LINGO2: variants seen among roughly 807,000 people sequenced by gnomAD.
The protein encoded by LINGO2 is leucine-rich repeat and immunoglobulin-like domain-containing nogo receptor-interacting protein 2.
A neutral mutation model predicts 30.6 loss-of-function variants in LINGO2; 14 were observed. The ratio of observed to expected loss-of-function variants is 0.46; its 90% CI spans 0.30 to 0.72. The LOEUF is 0.72. Ranked by LOEUF, LINGO2 falls within the 30% of genes least tolerant of loss-of-function variation. The pLI, the probability that LINGO2 is intolerant of heterozygous loss-of-function variation, is 0.07. For synonymous variants in LINGO2, 317 were observed against 288.5 expected (o/e 1.10, Z -1.00); for missense variants, 729 against 751.7 (o/e 0.97, Z 0.35).
At chr9:28,210,222 C>T (rs1481856856) in intron 4 of LINGO2, among the ~76,000 whole-genome samples, 1 of 151,640 alleles carries the variant, frequency 6.6e-6, no homozygotes, top group Non-Finnish European at 1.5e-5. Context: ...CAATAACTTA[C>T]AGCATTGATT....
chr9:27,999,953 T>C (rs1007692529), intron 5 of LINGO2, among the ~76,000 whole-genome samples: 1 of 152,160 alleles, frequency 6.6e-6, no homozygotes, highest in African/African-American at 2.4e-5. Context: ...GACTCAATAT[T>C]AGCTCCACTA....
At chr9:29,200,914 AT>A in the LINGO2 span, among the ~76,000 whole-genome samples, 2 of 151,624 alleles carry the variant, frequency 1.3e-5, no homozygotes, top group Admixed American at 6.6e-5. Context: ...GGATTTGCCT[AT>A]TTTTTTTCAT....
the LINGO2 span, among the ~76,000 whole-genome samples, chr9:28,796,491 T>G: frequency 2.0e-5 from 3 of 152,124 alleles, no homozygotes; most frequent in African/African-American, 7.2e-5. Context: ...TATAAATGAG[T>G]GCTTAATGAA....
the LINGO2 span, among the ~76,000 whole-genome samples, chr9:28,884,506 A>G: frequency 6.6e-6 from 1 of 152,082 alleles, no homozygotes; most frequent in Non-Finnish European, 1.5e-5. Context: ...TAATTATCTA[A>G]AAAGAGCAAA....
chr9:28,073,964 C>G (rs1825553088), intron 4 of LINGO2, among the ~76,000 whole-genome samples: 2 of 152,158 alleles, frequency 1.3e-5, no homozygotes, highest in African/African-American at 4.8e-5. Context: ...AGTATTCATT[C>G]TTAAGTTTTC....
At chr9:28,523,853 A>T (rs967070571) in intron 1 of LINGO2, among the ~76,000 whole-genome samples, 2 of 151,972 alleles carry the variant, frequency 1.3e-5, no homozygotes, top group African/African-American at 2.4e-5. Flanking sequence ...GTACGAATTG[A>T]TCAACAGATG....
the LINGO2 span, among the ~76,000 whole-genome samples, chr9:29,006,080 T>C: frequency 5.3e-5 from 8 of 151,696 alleles, no homozygotes; most frequent in African/African-American, 1.9e-4. Context: ...AAAGGGACTT[T>C]TATTTTAATA....
chr9:28,545,659 G>T (rs980549915), intron 1 of LINGO2, among the ~76,000 whole-genome samples: 1 of 147,886 alleles, frequency 6.8e-6, no homozygotes, highest in Non-Finnish European at 1.5e-5. Context: ...AGGAAAAAGA[G>T]GGGGGGAACT....
At chr9:28,987,529 G>A in the LINGO2 span, among the ~76,000 whole-genome samples, 18,434 of 151,622 alleles carry the variant, frequency 0.12, 1,107 homozygotes, top group South Asian at 0.16. Flanking sequence ...TTTCTAGTCC[G>A]TATTTCATTT....
chr9:29,188,947 G>A, the LINGO2 span, among the ~76,000 whole-genome samples: 1 of 146,982 alleles, frequency 6.8e-6, no homozygotes, highest in South Asian at 2.2e-4. Context: ...GGGGTGGCTG[G>A]CCCGGCGGGG....
intron 1 of LINGO2, among the ~76,000 whole-genome samples, chr9:28,524,661 G>A (rs1286578021): frequency 6.6e-6 from 1 of 152,170 alleles, no homozygotes. Context: ...GCTAAGGCAG[G>A]AGAATCGCCT....
intron 2 of LINGO2, among the ~76,000 whole-genome samples, chr9:28,403,043 T>C (rs1822336365): frequency 1.3e-5 from 2 of 152,124 alleles, no homozygotes; most frequent in African/African-American, 4.8e-5. Context: ...TTGTGAAAAA[T>C]AAATGAGATA....
chr9:28,158,935 G>A (rs560905692), intron 4 of LINGO2, among the ~76,000 whole-genome samples: 104 of 152,096 alleles, frequency 6.8e-4, no homozygotes, highest in Non-Finnish European at 1.1e-3. Flanking sequence ...TATTTATTTA[G>A]GTTTTCCTCA....
chr9:29,132,213 G>C, the LINGO2 span, among the ~76,000 whole-genome samples: 1 of 152,062 alleles, frequency 6.6e-6, no homozygotes, highest in East Asian at 1.9e-4. Flanking sequence ...CGTTCCTCGA[G>C]GGGGGGAAAT....
At chr9:29,010,940 T>G in the LINGO2 span, among the ~76,000 whole-genome samples, 3 of 151,872 alleles carry the variant, frequency 2.0e-5, no homozygotes, top group Non-Finnish European at 4.4e-5. Flanking sequence ...CAAAGAAGAG[T>G]GTGATTCTGA....
intron 2 of LINGO2, among the ~76,000 whole-genome samples, chr9:28,392,064 G>A (rs1379614106): frequency 6.6e-6 from 1 of 152,102 alleles, no homozygotes; most frequent in Non-Finnish European, 1.5e-5. Context: ...TTAGCGGGGC[G>A]TGATGGCACG....
intron 1 of LINGO2, among the ~76,000 whole-genome samples, chr9:28,560,184 C>A (rs1465450391): frequency 2.0e-5 from 3 of 151,892 alleles, no homozygotes; most frequent in African/African-American, 4.8e-5. Flanking sequence ...TAGTATGTAT[C>A]TGTATAGCTG....
intron 2 of LINGO2, among the ~76,000 whole-genome samples, chr9:28,381,498 A>C (rs1544109): frequency 0.21 from 32,310 of 151,980 alleles, 3,721 homozygotes; most frequent in Middle Eastern, 0.33. Flanking sequence ...GGGAGTTCAA[A>C]TATGTCTTTG....
intron 2 of LINGO2, among the ~76,000 whole-genome samples, chr9:28,430,186 A>G (rs1250459674): frequency 6.6e-6 from 1 of 152,090 alleles, no homozygotes; most frequent in Non-Finnish European, 1.5e-5. Flanking sequence ...TTGATTGATG[A>G]CAGCTGACTG....
Sources: gnomAD v4.1 joint callset for allele counts (sites outside exome capture counted in the v4.1 genomes callset) on GRCh38, gnomAD v4.1.1 for gene constraint, MANE v1.5 for transcripts, NCBI Gene and HGNC (gene_info 2026-07-23, HGNC 2026-07-21) for gene names.